The following MRPS6 variants were observed in gnomAD, a reference collection of about 807,000 sequenced individuals.
MRPS6 encodes the protein small ribosomal subunit protein bS6m.
In MRPS6, 6 loss-of-function variants were observed where a neutral mutation model predicts 13.1. The observed-to-expected ratio is 0.46, with a 90% confidence interval of 0.25 to 0.91. The LOEUF (loss-of-function observed/expected upper bound fraction) is 0.91. MRPS6 is among the 40% of genes least tolerant of loss of function. The probability of loss-of-function intolerance (pLI) is 0.18; values close to 1 mark genes in which losing one functional copy is unlikely to be tolerated. For missense variants in MRPS6, 164 were observed against 155.6 expected (o/e 1.05, Z -0.29); for synonymous variants, 61 against 56.5 (o/e 1.08, Z -0.36).
chr21:34,105,915 C>T, intron 1 of MRPS6: 1 of 987,116 alleles, frequency 1.0e-6, no homozygotes, highest in Non-Finnish European at 1.2e-6. Context: ...CTTGTCTATT[C>T]TAACCTATTG....
intron 1 of MRPS6, chr21:34,100,056 G>C: frequency 1.0e-6 from 1 of 992,306 alleles, no homozygotes; most frequent in Non-Finnish European, 1.2e-6. Flanking sequence ...TGATGACATT[G>C]GTCTTTAGAC....
intron 1 of MRPS6, chr21:34,103,398 T>C: frequency 4.0e-6 from 4 of 997,914 alleles, no homozygotes; most frequent in Non-Finnish European, 4.8e-6. Context: ...GGTAGTTCTG[T>C]ATTTGTGTTG....
chr21:34,074,488 C>A lies in MRPS6; in HGVS notation c.45+743C>A, dbSNP rs553429190. Among the ~76,000 whole-genome samples, 41 of 152,278 alleles carry A rather than the reference C, an allele frequency of 2.7e-4. 1 individual carries two copies. Among genetic ancestry groups the A allele is most frequent in the Admixed American group, 1.6e-3 (25 of 15,302 alleles). On this transcript the variant is annotated intron_variant, in intron 1 of 2. Transcript: ENST00000399312. ...TGATTGATCTTGAGGTAGGGGATTT[C>A]AGGTTTGGAGGGATGCTAAGCGAAC... is the stretch of plus-strand genomic sequence containing the variant.
chr21:34,095,091 G>A (rs1978902721), intron 1 of MRPS6: 4 of 1,436,460 alleles, frequency 2.8e-6, no homozygotes, highest in Non-Finnish European at 3.8e-6. Context: ...GTGTTGCTCT[G>A]TGTAGTCCAG....
chr21:34,109,744 A>G (rs1283473015), intron 1 of MRPS6, among the ~76,000 whole-genome samples: 4 of 151,950 alleles, frequency 2.6e-5, no homozygotes, highest in African/African-American at 4.8e-5. Flanking sequence ...TTCTGCTTCT[A>G]CTTCCTTTCT....
rs16991209 is a variant in MRPS6, at chr21:34,100,765, C to T, written c.46-24576C>T. ...GTGTCTGTATTCGCAGTCCATGGCT[C>T]ATTTTCTTTATAGTAGGCATATGGA... On this transcript the variant is annotated intron_variant, in intron 1 of 2. Transcript: ENST00000399312. The T allele has an allele frequency of 5.4e-3, 5,441 of 1,000,158 alleles. 107 individuals are homozygous for T. The South Asian group carries it at 0.078, about 14-fold the overall frequency. The allele number at this position is 1,000,158 out of a possible 1,614,324, so 62.0% of individuals were successfully genotyped here.
intron 1 of MRPS6, among the ~76,000 whole-genome samples, chr21:34,078,785 CTG>C (rs1042878958): frequency 2.6e-5 from 4 of 152,126 alleles, no homozygotes; most frequent in African/African-American, 9.7e-5. Context: ...TGATAAAATA[CTG>C]TGTGATTACT....
intron 1 of MRPS6, among the ~76,000 whole-genome samples, chr21:34,084,706 A>G (rs1173281136): frequency 6.6e-6 from 1 of 152,202 alleles, no homozygotes; most frequent in Non-Finnish European, 1.5e-5. Flanking sequence ...GTAATGGTAA[A>G]TACAGTAGTT....
At chr21:34,081,529 T>A (rs1989458856) in intron 1 of MRPS6, among the ~76,000 whole-genome samples, 1 of 152,180 alleles carries the variant, frequency 6.6e-6, no homozygotes, top group Non-Finnish European at 1.5e-5. Flanking sequence ...ACTGGATGTG[T>A]TACCATAGAA....
chr21:34,135,606 C>T (rs968112028), intron 2 of MRPS6: 1 of 410,190 alleles, frequency 2.4e-6, no homozygotes, highest in African/African-American at 2.1e-5. Flanking sequence ...TGGTCTGATT[C>T]ACATGGTGCA....
At chr21:34,079,122 A>G (rs1042731797) in intron 1 of MRPS6, among the ~76,000 whole-genome samples, 2 of 152,258 alleles carry the variant, frequency 1.3e-5, no homozygotes, top group Non-Finnish European at 2.9e-5. Context: ...CTTCCGGGCC[A>G]GATCTGACCT....
intron 1 of MRPS6, 113 bp from the exon 2 acceptor site, chr21:34,125,228 G>T: frequency 1.4e-6 from 2 of 1,443,050 alleles, no homozygotes; most frequent in South Asian, 1.6e-5. Context: ...TTTACCCAGC[G>T]ATTCCTACCA....
chr21:34,125,613 C>T, intron 2 of MRPS6, 133 bp downstream of exon 2: 4 of 1,320,778 alleles, frequency 3.0e-6, no homozygotes, highest in Non-Finnish European at 4.1e-6. Flanking sequence ...TGGGTACACA[C>T]TCTGGCAGTC....
intron 1 of MRPS6, among the ~76,000 whole-genome samples, chr21:34,086,517 T>TTGTGTGTGTGTG (rs34988334): frequency 6.7e-6 from 1 of 148,274 alleles, no homozygotes; most frequent in South Asian, 2.1e-4. Flanking sequence ...TAGTTTGTGT[T>TTGTGTGTGTGTG]TGTGTGTGTG....
intron 1 of MRPS6, chr21:34,123,314 TG>T (rs1230801642): frequency 1.3e-5 from 2 of 152,150 alleles, no homozygotes; most frequent in Non-Finnish European, 2.9e-5. Context: ...AATGAACCTC[TG>T]GAAGGTAGCC....
intron 2 of MRPS6, among the ~76,000 whole-genome samples, chr21:34,133,672 A>G (rs553269394): frequency 6.6e-6 from 1 of 152,292 alleles, no homozygotes; most frequent in Admixed American, 6.5e-5. Context: ...TGATGGCCAG[A>G]GCATGTCATG....
At chr21:34,120,905 G>C (rs1328597502) in intron 1 of MRPS6, among the ~76,000 whole-genome samples, 2 of 152,150 alleles carry the variant, frequency 1.3e-5, no homozygotes, top group African/African-American at 4.8e-5. Context: ...ATGAAAAGTG[G>C]CTTCAAGTTA....
intron 1 of MRPS6, among the ~76,000 whole-genome samples, chr21:34,109,976 C>T (rs1254951161): frequency 1.3e-5 from 2 of 152,104 alleles, no homozygotes; most frequent in South Asian, 4.1e-4. Context: ...GTGTTGAATC[C>T]TCTGGCTTGC....
At chr21:34,088,285 C>G (rs1284909783) in intron 1 of MRPS6, among the ~76,000 whole-genome samples, 3 of 152,176 alleles carry the variant, frequency 2.0e-5, no homozygotes, top group African/African-American at 7.2e-5. Flanking sequence ...GACTAATTAA[C>G]ACTGATAAAA....
Sources: allele counts gnomAD v4.1 joint callset (sites outside exome capture counted in the v4.1 genomes callset), GRCh38; gene constraint gnomAD v4.1.1; transcripts MANE v1.5; gene names NCBI Gene and HGNC (gene_info 2026-07-23, HGNC 2026-07-21).